The following WAS variants were observed in gnomAD, a reference collection of about 807,000 sequenced individuals.
WAS encodes WASP actin nucleation promoting factor.
In WAS, 1 loss-of-function variant was observed where a neutral mutation model predicts 38.9. That is an observed-to-expected ratio of 0.03 (90% CI 0.01 to 0.12). The LOEUF is 0.12. Among genes scored for constraint, WAS ranks in the 10% least tolerant of loss-of-function variants. The probability of loss-of-function intolerance (pLI) is 1.00; values close to 1 mark genes in which losing one functional copy is unlikely to be tolerated. For missense variants in WAS, 311 were observed against 431.2 expected, an observed-to-expected ratio of 0.72 and a Z score of 2.47; for synonymous variants, 182 against 173.6, an observed-to-expected ratio of 1.05 and a Z score of -0.38.
Position 48,685,979 on chromosome X carries a change from C to T in WAS, c.497C>T (p.Ala166Val). The T allele has an allele frequency of 8.3e-7, 1 of 1,211,664 alleles. No individual in the cohort carries two copies. Among genetic ancestry groups the T allele is most frequent in the Non-Finnish European group, 1.1e-6 (1 of 895,451 alleles). Residue 166 changes from alanine to valine, a missense_variant, in exon 5 of 12, where the codon GCC (alanine) becomes GTC (valine). Physicochemically the swap from Ala to Val is moderately conservative, Grantham distance 64 (BLOSUM62 0). Coordinates refer to ENST00000376701, the MANE Select transcript of WAS (RefSeq NM_000377.3). The stretch of plus-strand genomic sequence containing the variant: ...CAGCTACCCCCACCACCAACACCAG[C>T]CAATGAAGGTGAGTCCTCTAGTGCA... The part of the protein sequence containing the change: ...RRQLPPPPTP[A>V]NEERRGGLPP...
chrX:48,689,717 C>CA (rs1557007494), intron 11 of WAS: 7 of 344,370 alleles, frequency 2.0e-5, no homozygotes, highest in Admixed American at 4.8e-5. Flanking sequence ...ATCAGCTGGC[C>CA]GGCGCGGTGG....
At chrX:48,677,910 T>A (rs1414204865) in intron 1 of WAS, among the ~76,000 whole-genome samples, 1 of 112,024 alleles carries the variant, frequency 8.9e-6, no homozygotes, top group Admixed American at 9.5e-5. Context: ...ATTATTTACT[T>A]AGTGCATTCA....
At chrX:48,679,923 T>C (rs1304839902), upstream of WAS, among the ~76,000 whole-genome samples, 1 of 112,358 alleles carries the variant, frequency 8.9e-6, no homozygotes, top group Non-Finnish European at 1.9e-5. Context: ...TTGTGTGAGA[T>C]CCAAAAACCC....
In WAS at chrX:48,691,257, C is replaced by T; in HGVS notation, c.*95C>T. On this transcript the variant is annotated 3_prime_UTR_variant, in exon 12 of 12. Coordinates refer to ENST00000376701, the MANE Select transcript of WAS (RefSeq NM_000377.3). The stretch of plus-strand genomic sequence containing the variant: ...CCACCCTCCACTCTCCTCTTCCAGG[C>T]CCCCAACCCCCCATTTCTTCCCCAC... 1.2e-6 allele frequency: 1 copy of T among 847,792 alleles called. No homozygotes were observed. The highest frequency in any genetic ancestry group is 1.7e-6 in the Non-Finnish European group (1 of 580,250). The allele number at this position is 847,792 out of a possible 1,213,427, so 69.9% of individuals were successfully genotyped here.
At position 48,688,884 on chromosome X, in the gene WAS, C is replaced by T. The variant is rs895243178; in HGVS notation, c.1156C>T (p.Pro386Ser). The change falls in exon 10 of 12, where the codon CCT becomes TCT. Residue 386 changes from proline (P) to serine (S), a missense_variant. Pro to Ser is a moderately conservative substitution (Grantham distance 74). Transcript: ENST00000376701. ...TTCTGGACCACTGCCCCCTCCACCCCCTGGAGCTGGTGGGCCACCCATGCC... is the reference window on the plus strand; with the variant it reads ...TTCTGGACCACTGCCCCCTCCACCCTCTGGAGCTGGTGGGCCACCCATGCC... ...GRSGPLPPPP[P>S]GAGGPPMPPP... is the part of the protein sequence containing the mutation. 1.7e-6 allele frequency: 2 copies of T among 1,164,379 alleles called. No homozygotes were observed. The highest frequency in any genetic ancestry group is 1.1e-6 in the Non-Finnish European group (1 of 872,278).
At chrX:48,677,260 G>A (rs1195686533) in intron 1 of WAS, among the ~76,000 whole-genome samples, 1 of 110,844 alleles carries the variant, frequency 9.0e-6, no homozygotes, top group Non-Finnish European at 1.9e-5. Flanking sequence ...AAAGAAAAGG[G>A]AGGTCGCGCA....
rs1422863482 is a variant in WAS, at chrX:48,688,983, C to A, written c.1255C>A (p.Leu419Met). 2 of 1,191,819 alleles carry A rather than the reference C, an allele frequency of 1.7e-6. No homozygotes were observed. The highest frequency in any genetic ancestry group is 3.5e-5 in the African/African-American group (2 of 56,863). ...GPAPPPLPPALVPAGGLAPGG... is the reference protein window; with the variant it reads ...GPAPPPLPPAMVPAGGLAPGG... ...AGCCCCTCCCCCACTCCCTCCTGCT[C>A]TGGTGCCTGCCGGGGGCCTGGCCCC... is the stretch of plus-strand genomic sequence containing the variant. Residue 419 changes from leucine to methionine, a missense_variant, in exon 10 of 12, where the codon CTG (leucine) becomes ATG (methionine). Around this residue, in one of 4 missense-constraint regions of WAS, gnomAD observed 142 missense variants for 157.6 expected, o/e 0.90. Coordinates refer to ENST00000376701, the MANE Select transcript of WAS (RefSeq NM_000377.3).
Position 48,689,026 on chromosome X carries a change from C to T in WAS, c.1298C>T (p.Ala433Val), listed in dbSNP as rs782181574. 5 of 1,203,111 alleles carry T rather than the reference C, an allele frequency of 4.2e-6. No homozygotes were observed. Among genetic ancestry groups the T allele is most frequent in the African/African-American group, 3.5e-5 (2 of 57,020 alleles). ...CTGGCCCCTGGTGGGGGTCGGGGAG[C>T]GCTTTTGGATCAAATCCGGCAGGGA... ...GGLAPGGGRG[A>V]LLDQIRQGIQ... Residue 433 changes from alanine (A) to valine (V), a missense_variant, in exon 10 of 12, where the codon GCG becomes GTG. Around this residue, in one of 4 missense-constraint regions of WAS, gnomAD observed 142 missense variants for 157.6 expected, o/e 0.90. Coordinates refer to ENST00000376701, the MANE Select transcript of WAS (RefSeq NM_000377.3).
In WAS at chrX:48,688,067, G is replaced by A. The variant is rs782488331; in HGVS notation, c.748G>A (p.Val250Met). 8.3e-7 allele frequency: 1 copy of A among 1,207,423 alleles called. No individual in the cohort carries two copies. The highest frequency in any genetic ancestry group is 3.0e-5 in the East Asian group (1 of 33,706). Reference protein sequence around the residue: ...APSGFKHVSHVGWDPQNGFDV... With the variant: ...APSGFKHVSHMGWDPQNGFDV... ...CACCTCTCCCAGGCATGTCAGCCAC[G>A]TGGGGTGGGACCCCCAGAATGGATT... Residue 250 changes from valine (V) to methionine (M), a missense_variant, in exon 8 of 12, where the codon GTG (valine) becomes ATG (methionine). By Grantham distance (21) the Val-to-Met change is conservative. Transcript: ENST00000376701.
In WAS at chrX:48,688,741, G is replaced by T. The variant is rs781917584; in HGVS notation, c.1013G>T (p.Arg338Leu). 1 of 1,172,180 alleles carries T rather than the reference G, an allele frequency of 8.5e-7. No homozygotes were observed. Among genetic ancestry groups the T allele is most frequent in the Non-Finnish European group, 1.1e-6 (1 of 875,390 alleles). ...RPPIVGGNKG[R>L]SGPLPPVPLG... ...CCTATTGTGGGGGGTAACAAGGGTC[G>T]TTCTGGTCCACTGCCCCCTGTACCT... Residue 338 changes from arginine to leucine, a missense_variant, in exon 10 of 12, where the codon CGT becomes CTT. Arg to Leu is a moderately radical substitution (Grantham distance 102). Around this residue, in one of 4 missense-constraint regions of WAS, gnomAD observed 142 missense variants for 157.6 expected, o/e 0.90. Transcript: ENST00000376701.
At chrX:48,689,499 C>A in intron 11 of WAS, 65 bp downstream of exon 11, 1 of 914,418 alleles carries the variant, frequency 1.1e-6, no homozygotes. Flanking sequence ...CAAAACAATC[C>A]CAGCAGTCAC....
upstream of WAS, chrX:48,683,317 C>G (rs972387934): frequency 1.8e-5 from 2 of 112,416 alleles, no homozygotes; most frequent in African/African-American, 6.5e-5. Context: ...AACTCCTGAC[C>G]TCAAGTGATC....
chrX:48,687,042 G>A, intron 7 of WAS, 87 bp downstream of exon 7: 1 of 1,058,933 alleles, frequency 9.4e-7, no homozygotes, highest in Non-Finnish European at 1.3e-6. Flanking sequence ...TGGAAGGATG[G>A]GCAGATGGGC....
At position 48,689,337 on chromosome X, in the gene WAS, G is replaced by C; in HGVS notation, c.1356G>C (p.Glu452Asp). The change falls in exon 11 of 12, where the codon GAG becomes GAC. Residue 452 changes from glutamate (E) to aspartate (D), a missense_variant. Around this residue, in one of 4 missense-constraint regions of WAS, gnomAD observed 142 missense variants for 157.6 expected, o/e 0.90. Coordinates refer to ENST00000376701, the MANE Select transcript of WAS (RefSeq NM_000377.3). ...IQLNKTPGAPESSALQPPPQS... is the reference protein window; with the variant it reads ...IQLNKTPGAPDSSALQPPPQS... The stretch of plus-strand genomic sequence containing the variant: ...TGCTGCAGACCCCTGGGGCCCCAGA[G>C]AGCTCAGCGCTGCAGCCACCACCTC... 8.3e-7 allele frequency: 1 copy of C among 1,205,890 alleles called. No homozygotes were observed. Among genetic ancestry groups the C allele is most frequent in the Non-Finnish European group, 1.1e-6 (1 of 892,807 alleles).
upstream of WAS, among the ~76,000 whole-genome samples, chrX:48,680,442 A>G (rs2062398520): frequency 9.0e-6 from 1 of 110,920 alleles, no homozygotes; most frequent in Non-Finnish European, 1.9e-5. Flanking sequence ...AAGTCACAGG[A>G]TGAGATAGGA....
At position 48,685,023 on chromosome X, in the gene WAS, GGACCCAGCATAACTTC is replaced by G. The variant is rs2062414711; in HGVS notation, c.274-523_274-508del. On this transcript the variant is annotated intron_variant, in intron 2 of 11. Transcript: ENST00000376701. ...TTCATCCTTTTAAACCCATAAAGAT[GGACCCAGCATAACTTC>G]CAGATCCCAAGGCTATCAAATATCC... Among the ~76,000 whole-genome samples, 6 of 111,279 alleles carry G rather than the reference GGACCCAGCATAACTTC, an allele frequency of 5.4e-5. No homozygotes were observed. In the South Asian group the frequency reaches 2.2e-3, roughly 42 times the overall value.
intron 7 of WAS, among the ~76,000 whole-genome samples, chrX:48,687,422 T>C: frequency 9.1e-6 from 1 of 109,410 alleles, no homozygotes; most frequent in Non-Finnish European, 1.9e-5. Flanking sequence ...GAAGAATGAA[T>C]GGATAAGTGG....
chrX:48,690,335 T>C (rs2062435861), intron 11 of WAS, among the ~76,000 whole-genome samples: 1 of 109,209 alleles, frequency 9.2e-6, no homozygotes, highest in East Asian at 2.9e-4. Flanking sequence ...ACTACCAAGC[T>C]CTCACTACTC....
upstream of WAS, among the ~76,000 whole-genome samples, chrX:48,682,982 A>G (rs782508491): frequency 1.8e-5 from 2 of 111,398 alleles, no homozygotes; most frequent in Admixed American, 1.9e-4. Context: ...GAAGTGGACC[A>G]GAGGCATATG....
Sources: allele counts gnomAD v4.1 joint callset (sites outside exome capture counted in the v4.1 genomes callset), GRCh38; gene constraint gnomAD v4.1.1; regional missense constraint gnomAD v4.1.1; transcripts MANE v1.5; gene names NCBI Gene and HGNC (gene_info 2026-07-23, HGNC 2026-07-21).